DUSP8: variants seen among roughly 807,000 people sequenced by gnomAD.
DUSP8 encodes dual specificity protein phosphatase 8.
Under a neutral mutation model 38.7 loss-of-function variants are expected in DUSP8, and 15 were observed. The observed-to-expected ratio is 0.39, with a 90% CI of 0.26 to 0.60. DUSP8 has a LOEUF of 0.60. DUSP8 is among the 20% of genes least tolerant of loss of function. The pLI is 0.56. For missense variants in DUSP8, 768 were observed against 915.0 expected, an observed-to-expected ratio of 0.84 and a Z score of 2.07; for synonymous variants, 458 against 433.9, an observed-to-expected ratio of 1.06 and a Z score of -0.69.
intron 1 of DUSP8, among the ~76,000 whole-genome samples, chr11:1,568,570 G>A (rs909288245): frequency 2.0e-5 from 3 of 152,192 alleles, no homozygotes; most frequent in Non-Finnish European, 4.4e-5. Flanking sequence ...TCCTGCGGCA[G>A]CCACCACCAT....
At chr11:1,566,501 C>G (rs1446395455) in intron 1 of DUSP8, among the ~76,000 whole-genome samples, 1 of 152,196 alleles carries the variant, frequency 6.6e-6, no homozygotes, top group African/African-American at 2.4e-5. Context: ...GCTGCCTCCA[C>G]TGGAGAGTGG....
At position 1,555,249 on chromosome 11, in the gene DUSP8, A is replaced by C. The variant is rs1398582209; in HGVS notation, c.*1269T>G. The C allele has an allele frequency of 2.0e-6, 2 of 987,634 alleles. No individual in the cohort carries two copies. Among genetic ancestry groups the C allele is most frequent in the Admixed American group, 1.2e-4 (2 of 16,280 alleles). The allele number at this position is 987,634 out of a possible 1,614,324, so 61.2% of individuals were successfully genotyped here. The stretch of plus-strand genomic sequence containing the variant: ...GGGCTGGCATGCCACCTAGAGAGAG[A>C]GCACCCTGGGAAAGGGGTGAATGGG... On this transcript the variant is annotated 3_prime_UTR_variant, in exon 7 of 7. Coordinates refer to ENST00000397374, the MANE Select transcript of DUSP8 (RefSeq NM_004420.3).
intron 3 of DUSP8, among the ~76,000 whole-genome samples, chr11:1,559,975 G>A (rs938478312): frequency 6.6e-6 from 1 of 152,234 alleles, no homozygotes; most frequent in African/African-American, 2.4e-5. Context: ...GTGGTTCCAA[G>A]AAGATAATGA....
At chr11:1,570,000 C>T (rs1848863359) in intron 1 of DUSP8, among the ~76,000 whole-genome samples, 2 of 152,236 alleles carry the variant, frequency 1.3e-5, no homozygotes, top group African/African-American at 2.4e-5. Context: ...CTCATCCCTG[C>T]CTCCCCTCAG....
In DUSP8 at chr11:1,563,743, T is replaced by C. The variant is rs533450708; in HGVS notation, c.370+108A>G. ...TGGGGCCTCAAGAACCACAGATGTA[T>C]GGAGATCCCCCCGTGCCCAGCGGAC... On this transcript the variant is annotated intron_variant, in intron 3 of 6. Coordinates refer to ENST00000397374, the MANE Select transcript of DUSP8 (RefSeq NM_004420.3). 1,027 of 1,207,754 alleles carry C rather than the reference T, an allele frequency of 8.5e-4. 7 individuals carry two copies. In the African/African-American group the frequency reaches 0.015, roughly 17 times the overall value. 74.8% of individuals were successfully genotyped at this position (1,207,754 alleles called of 1,614,324 possible).
At chr11:1,566,207 G>A (rs1370685962) in intron 1 of DUSP8, among the ~76,000 whole-genome samples, 5 of 152,086 alleles carry the variant, frequency 3.3e-5, no homozygotes, top group Non-Finnish European at 7.4e-5. Context: ...TGGGGTTCAC[G>A]GACCCTTAGG....
rs901873752 is a variant in DUSP8, at chr11:1,556,511, G to C, written c.*7C>G. 4.8e-6 allele frequency: 6 copies of C among 1,238,096 alleles called. No individual in the cohort carries two copies. The African/African-American group carries it at 7.8e-5, about 16-fold the overall frequency. The allele number at this position is 1,238,096 out of a possible 1,614,324, so 76.7% of individuals were successfully genotyped here. A position where few individuals can be genotyped will look rare whatever the true frequency, so the allele number is the denominator to read the frequency against. On this transcript the variant is annotated 3_prime_UTR_variant, in exon 7 of 7. Coordinates refer to ENST00000397374, the MANE Select transcript of DUSP8 (RefSeq NM_004420.3). The surrounding 1 kb of genome is among the most constrained non-coding windows in gnomAD (Gnocchi z 5.2). ...TGCGGGCGGCGGGGCCGAGGGCAGC[G>C]GAGGGGTCAGGACACCTCGATGACC...
chr11:1,563,848 C>A lies in DUSP8; in HGVS notation c.370+3G>T. On this transcript the variant is annotated splice_donor_region_variant and intron_variant, in intron 3 of 6. Coordinates refer to ENST00000397374, the MANE Select transcript of DUSP8 (RefSeq NM_004420.3). ...CTCGGGGAGGCGTGGGTCATGGACT[C>A]ACCAGTGAGGATGGCCACGCTGTCG... The A allele has an allele frequency of 6.6e-7, 1 of 1,515,708 alleles. No homozygotes were observed. The highest frequency in any genetic ancestry group is 1.3e-5 in the South Asian group (1 of 78,236). The allele number at this position is 1,515,708 out of a possible 1,614,324, so 93.9% of individuals were successfully genotyped here.
intron 1 of DUSP8, among the ~76,000 whole-genome samples, chr11:1,569,934 G>A (rs367699371): frequency 2.5e-4 from 38 of 152,274 alleles, no homozygotes; most frequent in African/African-American, 8.7e-4. Flanking sequence ...GGGAGGCAGG[G>A]ACCCTGCACT....
intron 3 of DUSP8, chr11:1,559,553 G>A (rs781178170): frequency 6.5e-6 from 1 of 153,152 alleles, no homozygotes; most frequent in Non-Finnish European, 1.5e-5. Flanking sequence ...GCCTCCAGCT[G>A]GCTGGGAGCC....
chr11:1,554,515 A>G lies in DUSP8; in HGVS notation c.*2003T>C, dbSNP rs1164490678. 6 of 447,872 alleles carry G rather than the reference A, an allele frequency of 1.3e-5. No individual in the cohort carries two copies. Among genetic ancestry groups the G allele is most frequent in the African/African-American group, 2.1e-5 (1 of 47,022 alleles). 27.7% of individuals were successfully genotyped at this position (447,872 alleles called of 1,614,324 possible). A position where few individuals can be genotyped will look rare whatever the true frequency, so the allele number is the denominator to read the frequency against. Reference sequence around the variant, plus strand: ...AGCACTGGAGGAGGCAGTGGCCAACACAGGACCTTCGCCCCCCTGCTGGCT... The same window carrying G: ...AGCACTGGAGGAGGCAGTGGCCAACGCAGGACCTTCGCCCCCCTGCTGGCT... On this transcript the variant is annotated 3_prime_UTR_variant, in exon 7 of 7. Coordinates refer to ENST00000397374, the MANE Select transcript of DUSP8 (RefSeq NM_004420.3).
At position 1,557,816 on chromosome 11, in the gene DUSP8, T is replaced by C; in HGVS notation, c.799A>G (p.Met267Val). 1 of 1,613,498 alleles carries C rather than the reference T, an allele frequency of 6.2e-7. No homozygotes were observed. Among genetic ancestry groups the C allele is most frequent in the Non-Finnish European group, 8.5e-7 (1 of 1,180,000 alleles). The change falls in exon 6 of 7, where the codon ATG becomes GTG. Residue 267 changes from methionine (M) to valine (V), a missense_variant. Coordinates refer to ENST00000397374, the MANE Select transcript of DUSP8 (RefSeq NM_004420.3). The surrounding 1 kb of genome is among the most constrained non-coding windows in gnomAD (Gnocchi z 9.9). ...AIAYIMKTMG[M>V]SSDDAYRFVK... is the part of the protein sequence containing the mutation. ...TACCTGTAGGCGTCGTCGGAGGACA[T>C]GCCCATGGTCTTCATGATGTAGGCG...
intron 1 of DUSP8, among the ~76,000 whole-genome samples, chr11:1,568,770 G>A (rs547147826): frequency 1.3e-5 from 2 of 152,156 alleles, no homozygotes; most frequent in African/African-American, 4.8e-5. Flanking sequence ...CCGGCTCCCC[G>A]CCCCCTCAGA....
At chr11:1,570,082 C>G (rs959707912) in intron 1 of DUSP8, among the ~76,000 whole-genome samples, 1 of 152,134 alleles carries the variant, frequency 6.6e-6, no homozygotes, top group Admixed American at 6.5e-5. Context: ...AGCTGTGGAC[C>G]TGGGAGAAAG....
In DUSP8 at chr11:1,571,959, C is replaced by T. The variant is rs1372517331; in HGVS notation, c.-167G>A. 4 of 145,776 alleles carry T rather than the reference C, an allele frequency of 2.7e-5. No individual in the cohort carries two copies. Among genetic ancestry groups the T allele is most frequent in the Admixed American group, 2.7e-4 (4 of 14,684 alleles). The allele number at this position is 145,776 out of a possible 1,614,324, so 9.0% of individuals were successfully genotyped here. A position where few individuals can be genotyped will look rare whatever the true frequency, so the allele number is the denominator to read the frequency against. ...ACCCGCGCCGCGCTCAGGGCGCCCG[C>T]TCGGCCGCGCCGTCCATGGGCCCGG... On this transcript the variant is annotated 5_prime_UTR_variant, in exon 1 of 7. Coordinates refer to ENST00000397374, the MANE Select transcript of DUSP8 (RefSeq NM_004420.3).
At chr11:1,571,080 C>T (rs1209360849) in intron 1 of DUSP8, among the ~76,000 whole-genome samples, 1 of 152,172 alleles carries the variant, frequency 6.6e-6, no homozygotes, top group Non-Finnish European at 1.5e-5. Context: ...CCGGTACACC[C>T]CGCAGCAGGG....
chr11:1,561,047 T>G (rs1848709795), intron 3 of DUSP8, among the ~76,000 whole-genome samples: 2 of 152,140 alleles, frequency 1.3e-5, no homozygotes, highest in South Asian at 4.1e-4. Flanking sequence ...CACCCCACTG[T>G]GGATGCCAGG....
At chr11:1,569,112 C>T (rs1436610210) in intron 1 of DUSP8, among the ~76,000 whole-genome samples, 1 of 152,174 alleles carries the variant, frequency 6.6e-6, no homozygotes, top group Admixed American at 6.5e-5. Flanking sequence ...CCCCACATGC[C>T]AAGCCCTCCT....
rs746856864 is a variant in DUSP8 at position 1,558,315 on chromosome 11, C to T, written c.538-44G>A. The T allele has an allele frequency of 4.6e-5, 15 of 323,334 alleles. No homozygotes were observed. Among genetic ancestry groups the T allele is most frequent in the Non-Finnish European group, 8.6e-5 (14 of 162,912 alleles). 20.0% of individuals were successfully genotyped at this position (323,334 alleles called of 1,614,324 possible). On this transcript the variant is annotated intron_variant, in intron 4 of 6. Transcript: ENST00000397374. The surrounding 1 kb of genome is among the most constrained non-coding windows in gnomAD (Gnocchi z 6.3). ...GGGTTGGAAAGGGGTGGGAGAAGCT[C>T]GGGGCGGGAGTGAAGGTGGAGGCTT...
Sources: gnomAD v4.1 joint callset for allele counts (sites outside exome capture counted in the v4.1 genomes callset) on GRCh38, gnomAD v4.1.1 for gene constraint, Gnocchi (gnomAD v3.1) non-coding constraint, MANE v1.5 for transcripts, NCBI Gene and HGNC (gene_info 2026-07-23, HGNC 2026-07-21) for gene names.